Variants in ELAVL4 observed in about 807,000 individuals in gnomAD.
ELAVL4 encodes ELAV like RNA binding protein 4, also known as ELAV-like protein 4.
Under a neutral mutation model 35.6 loss-of-function variants are expected in ELAVL4, and 1 was observed. The ratio of observed to expected loss-of-function variants is 0.03; its 90% CI spans 0.01 to 0.13. The LOEUF (loss-of-function observed/expected upper bound fraction) is 0.13, where lower values mean the gene tolerates loss of function less well. Ranked by LOEUF, ELAVL4 falls within the 10% of genes least tolerant of loss-of-function variation. The probability of loss-of-function intolerance (pLI) is 1.00; values close to 1 mark genes in which losing one functional copy is unlikely to be tolerated. For synonymous variants in ELAVL4, 156 were observed against 171.0 expected, an observed-to-expected ratio of 0.91 and a Z score of 0.69; for missense variants, 267 against 464.9, an observed-to-expected ratio of 0.57 and a Z score of 3.91.
At chr1:50,107,185 T>C (rs550964921), upstream of ELAVL4, among the ~76,000 whole-genome samples, 9 of 152,218 alleles carry the variant, frequency 5.9e-5, no homozygotes, top group Non-Finnish European at 1.3e-4. Flanking sequence ...TCACCCTCAG[T>C]ACACAGTTCA....
At chr1:50,118,293 C>T (rs977887882) in intron 1 of ELAVL4, among the ~76,000 whole-genome samples, 1 of 151,960 alleles carries the variant, frequency 6.6e-6, no homozygotes, top group African/African-American at 2.4e-5. Flanking sequence ...CTGTTTCTCA[C>T]GGAATGGTGA....
intron 2 of ELAVL4, among the ~76,000 whole-genome samples, chr1:50,171,935 A>G (rs1679079332): frequency 1.3e-5 from 2 of 152,228 alleles, no homozygotes; most frequent in Non-Finnish European, 2.9e-5. Context: ...CACTTTCAGA[A>G]CAGGATTTCA....
At chr1:50,181,978 C>T (rs1054343526) in intron 3 of ELAVL4, among the ~76,000 whole-genome samples, 20 of 152,214 alleles carry the variant, frequency 1.3e-4, no homozygotes, top group Non-Finnish European at 5.9e-5. Context: ...CCACCGCGCC[C>T]GGCTAGCTTT....
At position 50,177,174 on chromosome 1, in the gene ELAVL4, C is replaced by G. The variant is rs755611906; in HGVS notation, c.336C>G (p.Leu112=). 3 of 1,613,850 alleles carry G rather than the reference C, an allele frequency of 1.9e-6. No homozygotes were observed. In the South Asian group the frequency reaches 3.3e-5, roughly 18 times the overall value. ...TCAACACTTTAAATGGACTCAGACTCCAGACCAAAACCATAAAGGTAAGAG... is the reference window on the plus strand; with the variant it reads ...TCAACACTTTAAATGGACTCAGACTGCAGACCAAAACCATAAAGGTAAGAG... ...KAINTLNGLR[L]QTKTIKVSYA... is the part of the protein sequence containing the mutation. The change falls in exon 3 of 7, where the codon CTC becomes CTG. Residue 112 remains leucine, a synonymous_variant. Coordinates refer to ENST00000371824, the MANE Select transcript of ELAVL4 (RefSeq NM_001144774.3).
chr1:50,075,357 T>C, intron 1 of ELAVL4, among the ~76,000 whole-genome samples: 1 of 152,324 alleles, frequency 6.6e-6, no homozygotes. Context: ...TACATCAAAG[T>C]TAAAGGAATT....
chr1:50,063,349 G>T lies in ELAVL4; in HGVS notation c.18+15167G>T, dbSNP rs374892182. 3.4e-4 allele frequency among the ~76,000 whole-genome samples: 52 copies of T among 152,094 alleles called. 1 individual carries two copies. The South Asian group carries it at 9.6e-3, about 28-fold the overall frequency. ...AGTTTTGCCTTTCTTTTCTTCCGATGACTCTTCTCACCATATTTCCTGGTC... is the reference window on the plus strand; with the variant it reads ...AGTTTTGCCTTTCTTTTCTTCCGATTACTCTTCTCACCATATTTCCTGGTC... On this transcript the variant is annotated intron_variant, in intron 1 of 6. Transcript: ENST00000448907.
upstream of ELAVL4, among the ~76,000 whole-genome samples, chr1:50,104,756 A>C (rs1393358486): frequency 6.6e-6 from 1 of 152,256 alleles, no homozygotes; most frequent in African/African-American, 2.4e-5. Flanking sequence ...AAATCAGGCC[A>C]TATAACAATA....
intron 1 of ELAVL4, among the ~76,000 whole-genome samples, chr1:50,087,450 G>A (rs1665297419): frequency 6.6e-6 from 1 of 152,122 alleles, no homozygotes. Flanking sequence ...ATGTCTTCTA[G>A]ATTGTAATTT....
chr1:50,167,905 T>C (rs1678234306), intron 2 of ELAVL4, among the ~76,000 whole-genome samples: 1 of 152,228 alleles, frequency 6.6e-6, no homozygotes, highest in Admixed American at 6.5e-5. Context: ...GCAATCATGC[T>C]TCTTCCAAGT....
intron 1 of ELAVL4, among the ~76,000 whole-genome samples, chr1:50,060,724 G>A (rs1663918240): frequency 6.6e-6 from 1 of 152,154 alleles, no homozygotes; most frequent in African/African-American, 2.4e-5. Flanking sequence ...AACTCAGTGA[G>A]ACTCATAGGC....
intron 1 of ELAVL4, among the ~76,000 whole-genome samples, chr1:50,142,943 T>C (rs1460878831): frequency 6.6e-6 from 1 of 152,218 alleles, no homozygotes; most frequent in Non-Finnish European, 1.5e-5. Flanking sequence ...GAACAATGCA[T>C]TGTTACATGT....
In ELAVL4 at chr1:50,054,863, A is replaced by G. The variant is rs555269718; in HGVS notation, c.18+6681A>G. ...TTCTGGAAGGATTCAGCCAATACGG[A>G]GCACTTACAGGATATCTCAGACAGA... On this transcript the variant is annotated intron_variant, in intron 1 of 6. Transcript: ENST00000448907. Among the ~76,000 whole-genome samples, 129 of 152,292 alleles carry G rather than the reference A, an allele frequency of 8.5e-4. 1 individual carries two copies. The highest frequency in any genetic ancestry group is 3.0e-3 in the African/African-American group (126 of 41,566).
chr1:50,109,018 C>CGGGGGGGGG lies in ELAVL4; in HGVS notation c.-172_-171insGGGGGGGGG. 5.8e-6 allele frequency: 3 copies of CGGGGGGGGG among 519,096 alleles called. No individual in the cohort carries two copies. The highest frequency in any genetic ancestry group is 7.2e-6 in the Non-Finnish European group (3 of 416,510). 32.2% of individuals were successfully genotyped at this position (519,096 alleles called of 1,614,324 possible). ...CCTTTTCTTTTTTTTCTTTCTCTCCCCCGCCCACCCCCCCAAAAATAATTG... is the reference window on the plus strand; with the variant it reads ...CCTTTTCTTTTTTTTCTTTCTCTCCCGGGGGGGGGCCGCCCACCCCCCCAAAAATAATTG... On this transcript the variant is annotated 5_prime_UTR_variant, in exon 1 of 7. Coordinates refer to ENST00000371824, the MANE Select transcript of ELAVL4 (RefSeq NM_001144774.3).
chr1:50,122,154 G>A (rs1421469620), intron 1 of ELAVL4, among the ~76,000 whole-genome samples: 1 of 151,990 alleles, frequency 6.6e-6, no homozygotes, highest in Non-Finnish European at 1.5e-5. Flanking sequence ...AGATTTGTCT[G>A]ACTCCAGAAT....
At chr1:50,084,557 C>T (rs1404990975) in intron 1 of ELAVL4, among the ~76,000 whole-genome samples, 1 of 152,060 alleles carries the variant, frequency 6.6e-6, no homozygotes, top group Non-Finnish European at 1.5e-5. Flanking sequence ...ATGGCTCTGC[C>T]TCCCTCCCTG....
chr1:50,146,303 T>C (rs1673711163), intron 2 of ELAVL4, among the ~76,000 whole-genome samples: 1 of 152,194 alleles, frequency 6.6e-6, no homozygotes, highest in African/African-American at 2.4e-5. Context: ...GTTCCCCTTA[T>C]AAATTAAGTA....
intron 1 of ELAVL4, among the ~76,000 whole-genome samples, chr1:50,127,138 A>T (rs370866727): frequency 6.6e-6 from 1 of 152,036 alleles, no homozygotes; most frequent in African/African-American, 2.4e-5. Context: ...GGAGATAAGG[A>T]TGTCTCCTCC....
chr1:50,166,392 A>G (rs545997175), intron 2 of ELAVL4, among the ~76,000 whole-genome samples: 1 of 152,346 alleles, frequency 6.6e-6, no homozygotes, highest in South Asian at 2.1e-4. Flanking sequence ...AAATGCTGAT[A>G]TGAAGTCAAT....
intron 1 of ELAVL4, among the ~76,000 whole-genome samples, chr1:50,111,851 T>C (rs1324367807): frequency 6.6e-6 from 1 of 152,098 alleles, no homozygotes; most frequent in African/African-American, 2.4e-5. Flanking sequence ...ACCATAAGGA[T>C]TGAAAGGTGT....
Sources: allele counts gnomAD v4.1 joint callset (sites outside exome capture counted in the v4.1 genomes callset), GRCh38; gene constraint gnomAD v4.1.1; transcripts MANE v1.5; gene names NCBI Gene and HGNC (gene_info 2026-07-23, HGNC 2026-07-21).